NBAS: variants seen among roughly 807,000 people sequenced by gnomAD.
NBAS encodes the protein NBAS subunit of NRZ tethering complex.
NBAS carries 219 observed loss-of-function variants against 302.5 expected under a neutral mutation model. The observed-to-expected ratio is 0.72, with a 90% CI of 0.65 to 0.81. The LOEUF (loss-of-function observed/expected upper bound fraction) is 0.81, where lower values mean the gene tolerates loss of function less well. NBAS is among the 30% of genes least tolerant of loss of function. The probability of loss-of-function intolerance (pLI) is 0.00; values close to 1 mark genes in which losing one functional copy is unlikely to be tolerated. For missense variants in NBAS, 2,932 were observed against 2,841.6 expected, an observed-to-expected ratio of 1.03 and a Z score of -0.72; for synonymous variants, 1,118 against 1,021.6, an observed-to-expected ratio of 1.09 and a Z score of -1.80.
At chr2:15,350,956 A>G (rs1187518895) in intron 35 of NBAS, among the ~76,000 whole-genome samples, 3 of 152,210 alleles carry the variant, frequency 2.0e-5, no homozygotes, top group African/African-American at 7.2e-5. Flanking sequence ...AATTATATAC[A>G]TATCTCACAA....
chr2:15,398,517 T>C (rs908830560), intron 26 of NBAS, among the ~76,000 whole-genome samples: 1 of 152,194 alleles, frequency 6.6e-6, no homozygotes, highest in African/African-American at 2.4e-5. Flanking sequence ...ATTCTTCCTT[T>C]GTGAGCTGAC....
At chr2:15,243,441 C>T (rs1455308702) in intron 44 of NBAS, among the ~76,000 whole-genome samples, 1 of 152,074 alleles carries the variant, frequency 6.6e-6, no homozygotes, top group African/African-American at 2.4e-5. Flanking sequence ...GTACAGGCCC[C>T]TTTGCAGTCT....
At chr2:15,339,502 C>T (rs1357983111) in intron 35 of NBAS, among the ~76,000 whole-genome samples, 3 of 152,198 alleles carry the variant, frequency 2.0e-5, no homozygotes, top group Non-Finnish European at 4.4e-5. Flanking sequence ...ATTCATTCTT[C>T]CACAAATATT....
intron 44 of NBAS, among the ~76,000 whole-genome samples, chr2:15,268,135 T>C (rs994678775): frequency 4.6e-5 from 7 of 152,250 alleles, no homozygotes; most frequent in African/African-American, 1.7e-4. Flanking sequence ...AGTTCCTACC[T>C]TGGCCCATAA....
At chr2:15,003,852 A>C in the NBAS span, among the ~76,000 whole-genome samples, 1 of 152,210 alleles carries the variant, frequency 6.6e-6, no homozygotes, top group African/African-American at 2.4e-5. Flanking sequence ...CAAGTTCTCC[A>C]CTGGATTAGT....
At chr2:15,139,332 C>A in the NBAS span, among the ~76,000 whole-genome samples, 1 of 152,146 alleles carries the variant, frequency 6.6e-6, no homozygotes, top group Admixed American at 6.5e-5. Flanking sequence ...TTTAAGACCC[C>A]CCGATTTCAC....
chr2:15,535,101 A>C (rs1288441706), intron 8 of NBAS, among the ~76,000 whole-genome samples: 1 of 152,258 alleles, frequency 6.6e-6, no homozygotes, highest in Non-Finnish European at 1.5e-5. Context: ...ATCTCAAAAT[A>C]TGATGAATGA....
intron 48 of NBAS, among the ~76,000 whole-genome samples, chr2:15,209,903 G>C (rs188817784): frequency 6.6e-6 from 1 of 152,128 alleles, no homozygotes; most frequent in African/African-American, 2.4e-5. Context: ...AATGCTGCTA[G>C]GAAAACTGGA....
At chr2:15,559,729 C>T (rs962292861) in intron 1 of NBAS, among the ~76,000 whole-genome samples, 4 of 152,130 alleles carry the variant, frequency 2.6e-5, no homozygotes, top group Admixed American at 1.3e-4. Flanking sequence ...CTCCCCCACC[C>T]CCAACACACA....
chr2:15,208,533 C>T (rs557573648), intron 48 of NBAS, among the ~76,000 whole-genome samples: 30 of 152,244 alleles, frequency 2.0e-4, no homozygotes, highest in African/African-American at 5.8e-4. Context: ...TGGATTTAAT[C>T]GGTACTATGG....
chr2:15,200,791 G>C (rs1665838433), intron 48 of NBAS, among the ~76,000 whole-genome samples: 1 of 152,132 alleles, frequency 6.6e-6, no homozygotes, highest in Non-Finnish European at 1.5e-5. Flanking sequence ...CCTTGAAAAA[G>C]TGAACTAAGT....
chr2:15,055,513 G>A, the NBAS span, among the ~76,000 whole-genome samples: 1 of 152,134 alleles, frequency 6.6e-6, no homozygotes, highest in Admixed American at 6.6e-5. Context: ...GGGGCGGGGG[G>A]CTGGAAGAGC....
intron 43 of NBAS, among the ~76,000 whole-genome samples, chr2:15,276,421 A>G (rs903652593): frequency 1.3e-5 from 2 of 152,252 alleles, no homozygotes; most frequent in African/African-American, 4.8e-5. Context: ...AAAGATTTCC[A>G]TAATTTATCA....
the NBAS span, among the ~76,000 whole-genome samples, chr2:14,948,235 G>T: frequency 6.6e-6 from 1 of 151,984 alleles, no homozygotes; most frequent in African/African-American, 2.4e-5. Flanking sequence ...ATGTTTGGAA[G>T]TATTACCTTC....
chr2:15,256,297 T>C lies in NBAS; in HGVS notation c.5725-17611A>G, dbSNP rs188802744. Among the ~76,000 whole-genome samples the C allele has an allele frequency of 7.9e-4, 120 of 151,916 alleles. 2 individuals carry two copies. Among genetic ancestry groups the C allele is most frequent in the Admixed American group, 6.8e-3 (104 of 15,250 alleles). On this transcript the variant is annotated intron_variant, in intron 44 of 51. Transcript: ENST00000281513. ...CTTGCTTATATTCCTAAGTATTTTA[T>C]TATTATTATTATTATTTGCAGCTGT...
the NBAS span, among the ~76,000 whole-genome samples, chr2:15,100,234 T>C: frequency 2.6e-5 from 4 of 152,104 alleles, no homozygotes; most frequent in Non-Finnish European, 5.9e-5. Flanking sequence ...GAAAGAAAAG[T>C]TTTATTGAAG....
chr2:14,922,778 T>C, the NBAS span, among the ~76,000 whole-genome samples: 1 of 152,188 alleles, frequency 6.6e-6, no homozygotes, highest in African/African-American at 2.4e-5. Context: ...CAAAAATAGC[T>C]AGTAACTGAA....
At chr2:15,502,852 T>C (rs1486917295) in intron 11 of NBAS, among the ~76,000 whole-genome samples, 2 of 152,232 alleles carry the variant, frequency 1.3e-5, no homozygotes, top group East Asian at 3.8e-4. Flanking sequence ...TCCCTTACTG[T>C]AACTTTTTTA....
the NBAS span, among the ~76,000 whole-genome samples, chr2:15,075,315 C>A: frequency 0.014 from 2,084 of 152,304 alleles, 56 homozygotes; most frequent in African/African-American, 0.047. Context: ...TACCCTGCCC[C>A]CTGCCCTGCA....
Sources: gnomAD v4.1 joint callset for allele counts (sites outside exome capture counted in the v4.1 genomes callset) on GRCh38, gnomAD v4.1.1 for gene constraint, MANE v1.5 for transcripts, NCBI Gene and HGNC (gene_info 2026-07-23, HGNC 2026-07-21) for gene names.